AMACR: variants seen among roughly 807,000 people sequenced by gnomAD.
AMACR encodes 2-methylacyl-CoA racemase.
AMACR carries 18 observed loss-of-function variants against 22.2 expected under a neutral mutation model. The observed-to-expected ratio is 0.81, with a 90% confidence interval of 0.56 to 1.20. The LOEUF is 1.20. Ranked by LOEUF, AMACR falls within the 50% of genes most tolerant of loss-of-function variation. The probability of loss-of-function intolerance (pLI) is 0.00; values close to 1 mark genes in which losing one functional copy is unlikely to be tolerated. For synonymous variants in AMACR, 213 were observed against 191.3 expected, an observed-to-expected ratio of 1.11 and a Z score of -0.94; for missense variants, 499 against 490.6, an observed-to-expected ratio of 1.02 and a Z score of -0.16.
chr5:34,002,952 A>T (rs1482267874), intron 3 of AMACR, among the ~76,000 whole-genome samples: 1 of 152,222 alleles, frequency 6.6e-6, no homozygotes, highest in Admixed American at 6.5e-5. Flanking sequence ...AAGGAAGCGC[A>T]GGCTGAAGCT....
chr5:33,988,886 C>T lies in AMACR; in HGVS notation c.*207G>A, dbSNP rs1239952919. 1.4e-6 allele frequency: 2 copies of T among 1,398,740 alleles called. No individual in the cohort carries two copies. Among genetic ancestry groups the T allele is most frequent in the South Asian group, 1.6e-5 (1 of 61,338 alleles). The allele number at this position is 1,398,740 out of a possible 1,614,324, so 86.6% of individuals were successfully genotyped here. ...TAACTACCATAATTTAGTATAAGTACCCAAAGTTTTATAAATCAAAAGCCC... is the reference window on the plus strand; with the variant it reads ...TAACTACCATAATTTAGTATAAGTATCCAAAGTTTTATAAATCAAAAGCCC... On this transcript the variant is annotated 3_prime_UTR_variant, in exon 5 of 5. Transcript: ENST00000335606.
At chr5:33,992,707 C>T (rs981447432) in intron 4 of AMACR, among the ~76,000 whole-genome samples, 1 of 151,974 alleles carries the variant, frequency 6.6e-6, no homozygotes, top group Non-Finnish European at 1.5e-5. Context: ...AAGTCCTTGT[C>T]TCAAAAAAAT....
chr5:33,988,885 A>G lies in AMACR; in HGVS notation c.*208T>C. ...ATAACTACCATAATTTAGTATAAGT[A>G]CCCAAAGTTTTATAAATCAAAAGCC... On this transcript the variant is annotated 3_prime_UTR_variant, in exon 5 of 5. Coordinates refer to ENST00000335606, the MANE Select transcript of AMACR (RefSeq NM_014324.6). 7.1e-7 allele frequency: 1 copy of G among 1,403,308 alleles called. No homozygotes were observed. The highest frequency in any genetic ancestry group is 9.2e-7 in the Non-Finnish European group (1 of 1,083,662). 86.9% of individuals were successfully genotyped at this position (1,403,308 alleles called of 1,614,324 possible). A position where few individuals can be genotyped will look rare whatever the true frequency, so the allele number is the denominator to read the frequency against.
Position 34,004,739 on chromosome 5 carries a change from A to G in AMACR, c.392-5T>C. ...TGCCAATTTTTGAGAGAACACCTACATCATTAAAAACAAATTTAATGTCTC... is the reference window on the plus strand; with the variant it reads ...TGCCAATTTTTGAGAGAACACCTACGTCATTAAAAACAAATTTAATGTCTC... On this transcript the variant is annotated splice_region_variant and splice_polypyrimidine_tract_variant and intron_variant, in intron 2 of 4. Transcript: ENST00000335606. 6.2e-7 allele frequency: 1 copy of G among 1,614,170 alleles called. No homozygotes were observed. Among genetic ancestry groups the G allele is most frequent in the Non-Finnish European group, 8.5e-7 (1 of 1,179,992 alleles).
chr5:33,994,008 A>T, intron 4 of AMACR: 1 of 453,288 alleles, frequency 2.2e-6, no homozygotes, highest in South Asian at 1.6e-5. Context: ...GTGTTTTCAG[A>T]TTATTTTTGT....
At chr5:33,992,413 A>ATTT in intron 4 of AMACR, among the ~76,000 whole-genome samples, 1 of 150,734 alleles carries the variant, frequency 6.6e-6, no homozygotes, top group African/African-American at 2.4e-5. Flanking sequence ...TAAATTGTAA[A>ATTT]ACAGAAAATA....
chr5:33,991,361 A>G (rs940252930), intron 4 of AMACR, among the ~76,000 whole-genome samples: 1 of 152,118 alleles, frequency 6.6e-6, no homozygotes, highest in Non-Finnish European at 1.5e-5. Context: ...TGTGCTCCTG[A>G]CACTCCAATA....
At position 33,998,715 on chromosome 5, in the gene AMACR, G is replaced by A. The variant is rs867765029; in HGVS notation, c.665C>T (p.Thr222Ile). 1.2e-6 allele frequency: 2 copies of A among 1,614,110 alleles called. No individual in the cohort carries two copies. Among genetic ancestry groups the A allele is most frequent in the Middle Eastern group, 3.3e-4 (2 of 6,062 alleles). ...GAATTCCCCATCTGCTGTCCTGTAAGTCGTATAGAAAGGTGCTCCACCATC... is the reference window on the plus strand; with the variant it reads ...GAATTCCCCATCTGCTGTCCTGTAAATCGTATAGAAAGGTGCTCCACCATC... ...MLDGGAPFYT[T>I]YRTADGEFMA... Residue 222 changes from threonine (T) to isoleucine (I), a missense_variant, in exon 4 of 5, where the codon ACT (threonine) becomes ATT (isoleucine). Physicochemically the swap from Thr to Ile is moderately conservative, Grantham distance 89 (BLOSUM62 -1). Coordinates refer to ENST00000335606, the MANE Select transcript of AMACR (RefSeq NM_014324.6).
intron 4 of AMACR, among the ~76,000 whole-genome samples, chr5:33,993,242 C>A (rs576440220): frequency 6.6e-6 from 1 of 152,104 alleles, no homozygotes; most frequent in South Asian, 2.1e-4. Flanking sequence ...TCTGTTGTAA[C>A]GTGTTGGAAT....
intron 4 of AMACR, among the ~76,000 whole-genome samples, chr5:33,995,309 G>T (rs1355525235): frequency 2.6e-5 from 4 of 152,226 alleles, no homozygotes; most frequent in Non-Finnish European, 5.9e-5. Context: ...TGGCAATGTG[G>T]ATATGCCAAA....
chr5:33,993,940 T>C, intron 4 of AMACR: 2 of 397,694 alleles, frequency 5.0e-6, no homozygotes, highest in Non-Finnish European at 1.0e-5. Context: ...AAATTATCTA[T>C]TGCTTACCTG....
At chr5:34,006,405 C>T (rs34687) in intron 1 of AMACR, among the ~76,000 whole-genome samples, 38,216 of 152,124 alleles carry the variant, frequency 0.25, 6,077 homozygotes, top group African/African-American at 0.46. Context: ...GTGACAATAG[C>T]ACCTGAGAGT....
At position 33,987,487 on chromosome 5, in the gene AMACR, AC is replaced by A. The variant is rs1753329568; in HGVS notation, c.*1605del. 1.3e-5 allele frequency: 2 copies of A among 152,264 alleles called. No individual in the cohort carries two copies. The highest frequency in any genetic ancestry group is 4.8e-5 in the African/African-American group (2 of 41,472). 9.4% of individuals were successfully genotyped at this position (152,264 alleles called of 1,614,324 possible). A position where few individuals can be genotyped will look rare whatever the true frequency, so the allele number is the denominator to read the frequency against. Reference sequence around the variant, plus strand: ...TATCTCAGAATATTTAAAAATTTGAACACACAAACACAATGAAACTCAACAT... The same window carrying A: ...TATCTCAGAATATTTAAAAATTTGAAACACAAACACAATGAAACTCAACAT... On this transcript the variant is annotated 3_prime_UTR_variant, in exon 5 of 5. Transcript: ENST00000335606.
Position 34,007,973 on chromosome 5 carries a change from G to T in AMACR, c.47C>A (p.Pro16Gln). ...CAGGACCATAGCACAGAACGGGCCCGGGGCCAGGCCGGACAGCTCCACGAC... is the reference window on the plus strand; with the variant it reads ...CAGGACCATAGCACAGAACGGGCCCTGGGCCAGGCCGGACAGCTCCACGAC... Reference protein sequence around the residue: ...ISVVELSGLAPGPFCAMVLAD... With the variant: ...ISVVELSGLAQGPFCAMVLAD... The change falls in exon 1 of 5, where the codon CCG becomes CAG. Residue 16 changes from proline to glutamine, a missense_variant. Transcript: ENST00000335606. The T allele has an allele frequency of 6.2e-7, 1 of 1,611,426 alleles. No individual in the cohort carries two copies. The highest frequency in any genetic ancestry group is 1.1e-5 in the South Asian group (1 of 91,066).
chr5:33,988,218 C>T lies in AMACR; in HGVS notation c.*875G>A, dbSNP rs1436420626. On this transcript the variant is annotated 3_prime_UTR_variant, in exon 5 of 5. Transcript: ENST00000335606. ...TGGTTTTATGTAAAGACAATCCCGT[C>T]TTCTTTGTCAAAGACAGGTATAAGA... 5 of 1,205,438 alleles carry T rather than the reference C, an allele frequency of 4.1e-6. No individual in the cohort carries two copies. The highest frequency in any genetic ancestry group is 1.5e-5 in the African/African-American group (1 of 65,666). 74.7% of individuals were successfully genotyped at this position (1,205,438 alleles called of 1,614,324 possible).
intron 1 of AMACR, among the ~76,000 whole-genome samples, chr5:34,006,610 A>G (rs1753986955): frequency 6.6e-6 from 1 of 152,240 alleles, no homozygotes; most frequent in Admixed American, 6.5e-5. Flanking sequence ...CGGAGGCTAT[A>G]TCCGTATTCC....
rs1437954174 is a variant in AMACR at position 34,004,560 on chromosome 5, C to T, written c.552+14G>A. ...AGGGACAAGTGGCAGGCATCTACCC[C>T]AATTAATACTTACCATATTTGCATC... On this transcript the variant is annotated intron_variant, in intron 3 of 4. Coordinates refer to ENST00000335606, the MANE Select transcript of AMACR (RefSeq NM_014324.6). 1.2e-6 allele frequency: 2 copies of T among 1,613,986 alleles called. No homozygotes were observed. Among genetic ancestry groups the T allele is most frequent in the East Asian group, 2.2e-5 (1 of 44,886 alleles).
chr5:34,003,667 T>C (rs1271524410), intron 3 of AMACR, among the ~76,000 whole-genome samples: 1 of 152,120 alleles, frequency 6.6e-6, no homozygotes, highest in Non-Finnish European at 1.5e-5. Flanking sequence ...AGCCTCAACT[T>C]CTCCCTCTTC....
chr5:33,993,451 T>C (rs796734179), intron 4 of AMACR, among the ~76,000 whole-genome samples: 1 of 152,220 alleles, frequency 6.6e-6, no homozygotes, highest in Non-Finnish European at 1.5e-5. Context: ...AGAAGTGGAA[T>C]TGCTAGATCA....
Sources: gnomAD v4.1 joint callset for allele counts (sites outside exome capture counted in the v4.1 genomes callset) on GRCh38, gnomAD v4.1.1 for gene constraint, MANE v1.5 for transcripts, NCBI Gene and HGNC (gene_info 2026-07-23, HGNC 2026-07-21) for gene names.